ERCC6: variants seen among roughly 807,000 people sequenced by gnomAD.
ERCC6 encodes DNA excision repair protein ERCC-6.
Under a neutral mutation model 158.7 loss-of-function variants are expected in ERCC6, and 116 were observed. That is an observed-to-expected ratio of 0.73 (90% CI 0.63 to 0.85). ERCC6 has a LOEUF of 0.85. Ranked by LOEUF, ERCC6 falls within the 40% of genes least tolerant of loss-of-function variation. The pLI is 0.00. For synonymous variants in ERCC6, 678 were observed against 659.3 expected (o/e 1.03, Z -0.43); for missense variants, 1,698 against 1,799.4 (o/e 0.94, Z 1.02).
Position 49,458,508 on chromosome 10 carries a change from T to C in ERCC6, c.*307A>G, listed in dbSNP as rs1434420682. ...CTTCTAACTGTGCTCCCTGACAGCA[T>C]CTTTTGGGTAAAGGAACAAATGTGC... On this transcript the variant is annotated 3_prime_UTR_variant, in exon 21 of 21. Transcript: ENST00000355832. 1 of 345,688 alleles carries C rather than the reference T, an allele frequency of 2.9e-6. No homozygotes were observed. The highest frequency in any genetic ancestry group is 2.1e-5 in the African/African-American group (1 of 47,298). 21.4% of individuals were successfully genotyped at this position (345,688 alleles called of 1,614,324 possible). A position where few individuals can be genotyped will look rare whatever the true frequency, so the allele number is the denominator to read the frequency against.
chr10:49,469,531 A>C (rs1311992497), intron 18 of ERCC6, among the ~76,000 whole-genome samples: 1 of 152,208 alleles, frequency 6.6e-6, no homozygotes, highest in Non-Finnish European at 1.5e-5. Context: ...AAATTACTTC[A>C]AAATATGAAA....
chr10:49,516,358 G>A (rs1339467481), intron 5 of ERCC6: 2 of 1,613,986 alleles, frequency 1.2e-6, no homozygotes, highest in Admixed American at 3.3e-5. Context: ...CTCTCATTAA[G>A]TTTGCTTATG....
chr10:49,475,732 G>C (rs1850865417), intron 12 of ERCC6, among the ~76,000 whole-genome samples: 1 of 152,096 alleles, frequency 6.6e-6, no homozygotes, highest in Non-Finnish European at 1.5e-5. Flanking sequence ...TAGAGCCAGG[G>C]ACATTTGAAC....
chr10:49,500,988 T>C, intron 6 of ERCC6: 1 of 348,752 alleles, frequency 2.9e-6, no homozygotes, highest in South Asian at 3.4e-5. Context: ...AGAAATAGCT[T>C]GCTAAACAAG....
intron 5 of ERCC6, chr10:49,516,096 G>GTT: frequency 6.2e-7 from 1 of 1,614,080 alleles, no homozygotes; most frequent in Non-Finnish European, 8.5e-7. Flanking sequence ...GTGTGCCTCT[G>GTT]TAAGTGCCTC....
chr10:49,516,490 G>T (rs1836969213), intron 5 of ERCC6: 1 of 1,614,020 alleles, frequency 6.2e-7, no homozygotes, highest in African/African-American at 1.3e-5. Context: ...AGTACATTAT[G>T]CACATCTGTT....
At chr10:49,479,126 A>G (rs1850931791) in intron 10 of ERCC6, among the ~76,000 whole-genome samples, 1 of 151,714 alleles carries the variant, frequency 6.6e-6, no homozygotes, top group Non-Finnish European at 1.5e-5. Context: ...AAAAAGCCCC[A>G]CAGCCCAGAA....
At chr10:49,467,321 A>G (rs1173204045) in intron 18 of ERCC6, among the ~76,000 whole-genome samples, 1 of 152,206 alleles carries the variant, frequency 6.6e-6, no homozygotes, top group African/African-American at 2.4e-5. Context: ...TGATTGTGCC[A>G]TTTTACATTC....
At chr10:49,515,315 A>T (rs368615079) in intron 5 of ERCC6, 3 of 1,589,196 alleles carry the variant, frequency 1.9e-6, no homozygotes, top group Non-Finnish European at 2.6e-6. Context: ...TTCTTATCTC[A>T]GGAGGTGGTG....
intron 5 of ERCC6, among the ~76,000 whole-genome samples, chr10:49,510,570 A>C (rs547177921): frequency 4.6e-5 from 7 of 152,248 alleles, no homozygotes; most frequent in African/African-American, 1.7e-4. Context: ...TCTCTACTAC[A>C]GTGCCCATCA....
In ERCC6 at chr10:49,506,020, G is replaced by A. The variant is rs776641969; in HGVS notation, c.1398-8C>T. 6.2e-7 allele frequency: 1 copy of A among 1,612,414 alleles called. No homozygotes were observed. Among genetic ancestry groups the A allele is most frequent in the Non-Finnish European group, 8.5e-7 (1 of 1,179,126 alleles). ...CTCAGTTTATTCCATCTCCTACCATGAAAATAAAAATCACATTTCCATTAT... is the reference window on the plus strand; with the variant it reads ...CTCAGTTTATTCCATCTCCTACCATAAAAATAAAAATCACATTTCCATTAT... On this transcript the variant is annotated splice_polypyrimidine_tract_variant and splice_region_variant and intron_variant, in intron 5 of 20. Coordinates refer to ENST00000355832, the MANE Select transcript of ERCC6 (RefSeq NM_000124.4).
chr10:49,527,318 T>C (rs1027199054), intron 4 of ERCC6, among the ~76,000 whole-genome samples: 2 of 152,194 alleles, frequency 1.3e-5, no homozygotes, highest in African/African-American at 4.8e-5. Flanking sequence ...AGAAACATAG[T>C]ACACAGCAGT....
At chr10:49,506,924 C>T (rs1851453286) in intron 5 of ERCC6, among the ~76,000 whole-genome samples, 1 of 150,832 alleles carries the variant, frequency 6.6e-6, no homozygotes, top group Non-Finnish European at 1.5e-5. Context: ...TGGAATAAAA[C>T]AATAATACAG....
chr10:49,444,256 C>T, the ERCC6 span, among the ~76,000 whole-genome samples: 1 of 152,206 alleles, frequency 6.6e-6, no homozygotes, highest in Non-Finnish European at 1.5e-5. Flanking sequence ...AGCCTTCACC[C>T]TACTGAGACT....
chr10:49,442,348 G>A, the ERCC6 span, among the ~76,000 whole-genome samples: 1 of 152,208 alleles, frequency 6.6e-6, no homozygotes, highest in Admixed American at 6.5e-5. Context: ...CAAAGCGAAA[G>A]CAAAGGCACA....
At chr10:49,437,931 T>C in the ERCC6 span, among the ~76,000 whole-genome samples, 2 of 152,210 alleles carry the variant, frequency 1.3e-5, no homozygotes, top group African/African-American at 4.8e-5. Context: ...CATAGGCACA[T>C]CCTCCTGTGT....
intron 5 of ERCC6, chr10:49,517,126 A>C: frequency 1.3e-6 from 2 of 1,582,050 alleles, no homozygotes; most frequent in Non-Finnish European, 1.7e-6. Context: ...TTGGGACTAA[A>C]ACGGAAAAAA....
chr10:49,516,448 C>G, intron 5 of ERCC6: 1 of 1,614,208 alleles, frequency 6.2e-7, no homozygotes. Flanking sequence ...AATATAGTTT[C>G]AAACCGGTCA....
chr10:49,482,549 T>C, intron 10 of ERCC6, 138 bp downstream of exon 10: 1 of 663,092 alleles, frequency 1.5e-6, no homozygotes, highest in Non-Finnish European at 2.4e-6. Context: ...ATTTTTTTTT[T>C]TTTTTTTTAA....
Sources: allele counts gnomAD v4.1 joint callset (sites outside exome capture counted in the v4.1 genomes callset), GRCh38; gene constraint gnomAD v4.1.1; transcripts MANE v1.5; gene names NCBI Gene and HGNC (gene_info 2026-07-23, HGNC 2026-07-21).